The following FHIT variants were observed in gnomAD, a reference collection of about 807,000 sequenced individuals.
FHIT encodes the protein bis(5'-adenosyl)-triphosphatase.
Under a neutral mutation model 17.9 loss-of-function variants are expected in FHIT, and 19 were observed. That is an observed-to-expected ratio of 1.06 (90% CI 0.74 to 1.56). FHIT has a LOEUF of 1.56. Ranked by LOEUF, FHIT falls within the 40% of genes most tolerant of loss-of-function variation. FHIT has a pLI of 0.00. For missense variants in FHIT, 248 were observed against 189.2 expected, an observed-to-expected ratio of 1.31 and a Z score of -1.82; for synonymous variants, 81 against 69.7, an observed-to-expected ratio of 1.16 and a Z score of -0.81.
chr3:61,207,819 T>G (rs2106732726), intron 1 of FHIT, among the ~76,000 whole-genome samples: 1 of 152,350 alleles, frequency 6.6e-6, no homozygotes, highest in East Asian at 1.9e-4. Flanking sequence ...TCTATTTCCT[T>G]CAGTTCTGCT....
intron 3 of FHIT, among the ~76,000 whole-genome samples, chr3:60,987,411 T>C (rs543422805): frequency 6.6e-5 from 10 of 152,336 alleles, no homozygotes; most frequent in Non-Finnish European, 1.2e-4. Flanking sequence ...CCATGAACAA[T>C]AGCATGAGCA....
chr3:60,244,600 C>A (rs557388571), intron 5 of FHIT, among the ~76,000 whole-genome samples: 1 of 151,972 alleles, frequency 6.6e-6, no homozygotes, highest in Non-Finnish European at 1.5e-5. Flanking sequence ...ACAGAAGCCA[C>A]AAAATTGTAA....
rs672802 is a variant in FHIT at position 59,850,874 on chromosome 3, A to C, written c.348+71472T>G. ...GGAGGTAGAGGTGGTGATCCTGGCA[A>C]CCTAAAAGCCTGATTGTATGTTCTA... On this transcript the variant is annotated intron_variant, in intron 8 of 9. Transcript: ENST00000492590. Among the ~76,000 whole-genome samples the C allele has an allele frequency of 3.9e-5, 6 of 152,336 alleles. No homozygotes were observed. In the East Asian group the frequency reaches 9.7e-4, roughly 25 times the overall value.
intron 5 of FHIT, among the ~76,000 whole-genome samples, chr3:60,443,690 G>A (rs1206869736): frequency 6.6e-6 from 1 of 152,054 alleles, no homozygotes; most frequent in Non-Finnish European, 1.5e-5. Context: ...TTTTATTGAG[G>A]ATTTTTGCAT....
chr3:60,662,114 C>T (rs2040261674), intron 4 of FHIT, among the ~76,000 whole-genome samples: 1 of 152,138 alleles, frequency 6.6e-6, no homozygotes, highest in Non-Finnish European at 1.5e-5. Flanking sequence ...AAGTCTTTGC[C>T]TAAGCCAATA....
At chr3:60,412,519 C>A (rs1702099749) in intron 5 of FHIT, among the ~76,000 whole-genome samples, 1 of 152,058 alleles carries the variant, frequency 6.6e-6, no homozygotes, top group African/African-American at 2.4e-5. Context: ...CCCAAGATAA[C>A]TGGAATTGTA....
At chr3:61,111,355 AT>A (rs892311612) in intron 2 of FHIT, among the ~76,000 whole-genome samples, 17 of 152,044 alleles carry the variant, frequency 1.1e-4, no homozygotes, top group South Asian at 6.2e-4. Context: ...ACTGAATCTC[AT>A]TTTTTTTCAT....
At chr3:59,881,412 A>G (rs1178102627) in intron 8 of FHIT, among the ~76,000 whole-genome samples, 2 of 152,218 alleles carry the variant, frequency 1.3e-5, no homozygotes, top group African/African-American at 4.8e-5. Flanking sequence ...GCAATAGCTC[A>G]TTACTAAAAA....
intron 4 of FHIT, among the ~76,000 whole-genome samples, chr3:60,775,575 C>G (rs1290716159): frequency 6.6e-6 from 1 of 152,140 alleles, no homozygotes; most frequent in Non-Finnish European, 1.5e-5. Flanking sequence ...GGCTGTGGGA[C>G]GGACAAGTAC....
intron 7 of FHIT, among the ~76,000 whole-genome samples, chr3:59,988,615 C>G (rs747783474): frequency 9.2e-5 from 14 of 152,080 alleles, no homozygotes; most frequent in Admixed American, 2.0e-4. Flanking sequence ...GTCCCCTGTT[C>G]TCATGAGCTT....
intron 3 of FHIT, among the ~76,000 whole-genome samples, chr3:60,971,245 CT>C (rs1709991683): frequency 6.6e-6 from 1 of 152,130 alleles, no homozygotes. Flanking sequence ...TGGTGTGTGC[CT>C]GTAGTCCCAG....
chr3:60,369,596 CT>C (rs566594035), intron 5 of FHIT, among the ~76,000 whole-genome samples: 92 of 152,212 alleles, frequency 6.0e-4, no homozygotes, highest in African/African-American at 2.1e-3. Flanking sequence ...TTCACGCTTG[CT>C]TTTATACTCT....
chr3:60,515,593 T>G (rs928578174), intron 5 of FHIT, among the ~76,000 whole-genome samples: 4 of 142,532 alleles, frequency 2.8e-5, no homozygotes, highest in Non-Finnish European at 6.1e-5. Flanking sequence ...AAAAAAAAAA[T>G]GTTCACGGAA....
intron 4 of FHIT, among the ~76,000 whole-genome samples, chr3:60,545,474 G>A (rs2036330113): frequency 6.6e-6 from 1 of 152,058 alleles, no homozygotes; most frequent in African/African-American, 2.4e-5. Flanking sequence ...CAGACTTAGT[G>A]TTTTTCTCTT....
chr3:60,574,880 C>A (rs782781330), intron 4 of FHIT, among the ~76,000 whole-genome samples: 8 of 151,662 alleles, frequency 5.3e-5, no homozygotes, highest in Non-Finnish European at 8.8e-5. Context: ...TGCCCCCCAC[C>A]CCCCATGTTT....
At chr3:60,416,573 T>A (rs1389261505) in intron 5 of FHIT, among the ~76,000 whole-genome samples, 2 of 152,230 alleles carry the variant, frequency 1.3e-5, no homozygotes, top group East Asian at 3.9e-4. Context: ...ACACTGAAAG[T>A]TGAATTTTAT....
intron 8 of FHIT, among the ~76,000 whole-genome samples, chr3:59,771,066 G>T (rs1308206128): frequency 1.3e-5 from 2 of 152,118 alleles, no homozygotes; most frequent in Admixed American, 6.5e-5. Context: ...TAGTTTTGGA[G>T]GGCAACAACA....
At chr3:59,941,581 T>C (rs1706521689) in intron 7 of FHIT, among the ~76,000 whole-genome samples, 1 of 152,202 alleles carries the variant, frequency 6.6e-6, no homozygotes, top group African/African-American at 2.4e-5. Flanking sequence ...GATGTTTTAC[T>C]GCCTTGATGC....
In FHIT at chr3:60,794,562, C is replaced by G. The variant is rs141307512; in HGVS notation, c.-18+27357G>C. On this transcript the variant is annotated intron_variant, in intron 4 of 9. Coordinates refer to ENST00000492590, the MANE Select transcript of FHIT (RefSeq NM_002012.4). ...GCTATTTATGGATGGATTGACAGTTCACACATAGCTCTGCCACTTGAGAAG... is the reference window on the plus strand; with the variant it reads ...GCTATTTATGGATGGATTGACAGTTGACACATAGCTCTGCCACTTGAGAAG... Among the ~76,000 whole-genome samples the G allele has an allele frequency of 3.3e-5, 5 of 152,296 alleles. No individual in the cohort carries two copies. In the East Asian group the frequency reaches 5.8e-4, roughly 18 times the overall value.
Sources: allele counts gnomAD v4.1 joint callset (sites outside exome capture counted in the v4.1 genomes callset), GRCh38; gene constraint gnomAD v4.1.1; transcripts MANE v1.5; gene names NCBI Gene and HGNC (gene_info 2026-07-23, HGNC 2026-07-21).